The following CEP290 variants were observed in gnomAD, a reference collection of about 807,000 sequenced individuals.
CEP290 encodes the protein centrosomal protein of 290 kDa.
CEP290 carries 317 observed loss-of-function variants against 344.9 expected under a neutral mutation model. The ratio of observed to expected loss-of-function variants is 0.92; its 90% CI spans 0.84 to 1.01. The LOEUF is 1.01. CEP290 is among the 50% of genes least tolerant of loss of function. The probability of loss-of-function intolerance (pLI) is 0.00; values close to 1 mark genes in which losing one functional copy is unlikely to be tolerated. For missense variants in CEP290, 2,754 were observed against 2,761.4 expected (o/e 1.00, Z 0.06); for synonymous variants, 932 against 895.8 (o/e 1.04, Z -0.72).
intron 52 of CEP290, among the ~76,000 whole-genome samples, chr12:88,052,507 G>GA (rs998940897): frequency 3.9e-5 from 6 of 152,188 alleles, no homozygotes; most frequent in African/African-American, 1.4e-4. Context: ...TACTTGCCAA[G>GA]AAAATATATA....
At chr12:88,098,450 A>G (rs1379632683) in intron 26 of CEP290, among the ~76,000 whole-genome samples, 1 of 152,076 alleles carries the variant, frequency 6.6e-6, no homozygotes, top group African/African-American at 2.4e-5. Context: ...TCTCTACAAA[A>G]AAACACAAAA....
chr12:88,118,717 A>T lies in CEP290; in HGVS notation c.1549T>A (p.Leu517Ile). ...TGTTTGCTATTTCTAAATTCAGTTA[A>T]ATCAATCATTGTCTTTGGTTCAAGG... ...VGLEPKTMID[L>I]TEFRNSKHLK... is the part of the protein sequence containing the mutation. The change falls in exon 16 of 54, where the codon TTA (leucine) becomes ATA (isoleucine). Residue 517 changes from leucine (L) to isoleucine (I), a missense_variant. By Grantham distance (5) the Leu-to-Ile change is conservative. Transcript: ENST00000552810. The T allele has an allele frequency of 6.2e-7, 1 of 1,612,674 alleles. No homozygotes were observed.
intron 26 of CEP290, among the ~76,000 whole-genome samples, chr12:88,099,955 TC>T (rs1205950200): frequency 6.6e-6 from 1 of 150,562 alleles, no homozygotes; most frequent in Non-Finnish European, 1.5e-5. Context: ...TTTCTTTCCC[TC>T]CTCCTGAAAC....
At chr12:88,079,783 C>A (rs985955003) in intron 38 of CEP290, among the ~76,000 whole-genome samples, 3 of 152,034 alleles carry the variant, frequency 2.0e-5, no homozygotes, top group Non-Finnish European at 2.9e-5. Context: ...CTTTTTTCAT[C>A]CCTTTTTGTC....
chr12:88,089,797 G>T (rs2036885338), intron 30 of CEP290, among the ~76,000 whole-genome samples: 1 of 150,342 alleles, frequency 6.7e-6, no homozygotes, highest in African/African-American at 2.5e-5. Context: ...CGTGATTTTG[G>T]CTCACTGCAA....
intron 43 of CEP290, among the ~76,000 whole-genome samples, chr12:88,070,867 A>G (rs1206238079): frequency 6.6e-6 from 1 of 152,136 alleles, no homozygotes; most frequent in African/African-American, 2.4e-5. Flanking sequence ...GATCCTAATC[A>G]GAATACCAAA....
In CEP290 at chr12:88,060,932, T is replaced by C. The variant is rs2034432859; in HGVS notation, c.6420A>G (p.Val2140=). The C allele has an allele frequency of 6.4e-7, 1 of 1,559,288 alleles. No individual in the cohort carries two copies. Among genetic ancestry groups the C allele is most frequent in the East Asian group, 2.3e-5 (1 of 42,598 alleles). The change falls in exon 47 of 54, where the codon GTA becomes GTG. Residue 2140 remains valine, a synonymous_variant. Coordinates refer to ENST00000552810, the MANE Select transcript of CEP290 (RefSeq NM_025114.4). ...LEKTIGLMKK[V]VEKVQRENEQ... ...CATTTTCTCTCTGGACTTTTTCAAC[T>C]ACTTTTTTCATTAAACCAATGGTTT...
chr12:88,100,641 A>G (rs2037799618), intron 26 of CEP290, among the ~76,000 whole-genome samples: 1 of 152,200 alleles, frequency 6.6e-6, no homozygotes, highest in African/African-American at 2.4e-5. Context: ...ATATTCCATT[A>G]AGGAAGACAG....
intron 39 of CEP290, 140 bp from the exon 40 acceptor site, chr12:88,078,058 C>T (rs1346969343): frequency 2.7e-6 from 1 of 370,182 alleles, no homozygotes; most frequent in Non-Finnish European, 4.8e-6. Context: ...AAAATAACCA[C>T]AAACTACATA....
At position 88,138,925 on chromosome 12, in the gene CEP290, C is replaced by G. The variant is rs1265542155; in HGVS notation, c.297+220G>C. Among the ~76,000 whole-genome samples, 4 of 152,176 alleles carry G rather than the reference C, an allele frequency of 2.6e-5. No individual in the cohort carries two copies. In the East Asian group the frequency reaches 7.7e-4, roughly 29 times the overall value. ...GTATATTTCCCAAGACTATAAGCTC[C>G]ATCCAGCAGTTAACTTCTTATTTTG... On this transcript the variant is annotated intron_variant, in intron 5 of 53. Transcript: ENST00000552810.
At chr12:88,137,501 C>G (rs1422688731) in intron 5 of CEP290, among the ~76,000 whole-genome samples, 3 of 152,204 alleles carry the variant, frequency 2.0e-5, no homozygotes, top group Admixed American at 6.5e-5. Flanking sequence ...ATTTGGTCAT[C>G]TAATGTGTCT....
chr12:88,085,238 T>G (rs771151967), intron 34 of CEP290, among the ~76,000 whole-genome samples: 49 of 152,154 alleles, frequency 3.2e-4, no homozygotes, highest in Admixed American at 1.4e-3. Flanking sequence ...AATCTATAAG[T>G]CAGTTAAGTA....
intron 41 of CEP290, among the ~76,000 whole-genome samples, chr12:88,074,879 C>T (rs1292052657): frequency 6.6e-6 from 1 of 152,118 alleles, no homozygotes; most frequent in Admixed American, 6.6e-5. Context: ...AGGTCCACAC[C>T]CCTTCCCCCA....
In CEP290 at chr12:88,080,355, C is replaced by G; in HGVS notation, c.5053G>C (p.Ala1685Pro). The G allele has an allele frequency of 1.2e-6, 2 of 1,613,414 alleles. No homozygotes were observed. Among genetic ancestry groups the G allele is most frequent in the African/African-American group, 2.7e-5 (2 of 75,024 alleles). ...AGATACTTTAAATCCTCTACTTCCGCTTTTACTTTTTTCACTTCATCTTCA... is the reference window on the plus strand; with the variant it reads ...AGATACTTTAAATCCTCTACTTCCGGTTTTACTTTTTTCACTTCATCTTCA... Reference protein sequence around the residue: ...NHEDEVKKVKAEVEDLKYLLD... With the variant: ...NHEDEVKKVKPEVEDLKYLLD... The change falls in exon 38 of 54, where the codon GCG (alanine) becomes CCG (proline). Residue 1685 changes from alanine (A) to proline (P), a missense_variant. Transcript: ENST00000552810.
In CEP290 at chr12:88,059,026, A is replaced by G; in HGVS notation, c.6646-6T>C. 6.3e-7 allele frequency: 1 copy of G among 1,599,154 alleles called. No homozygotes were observed. The highest frequency in any genetic ancestry group is 8.5e-7 in the Non-Finnish European group (1 of 1,171,032). ...TTCTCTGCAGCATCAGTTTCCTATC[A>G]TTAAATGCTAATTAGTATTTTATGA... is the stretch of plus-strand genomic sequence containing the variant. On this transcript the variant is annotated splice_polypyrimidine_tract_variant and splice_region_variant and intron_variant, in intron 48 of 53. Transcript: ENST00000552810.
chr12:88,092,962 G>A (rs756646287), intron 28 of CEP290, 130 bp from the exon 29 acceptor site: 1 of 765,166 alleles, frequency 1.3e-6, no homozygotes, highest in South Asian at 1.9e-5. Context: ...AGTGTGAAGT[G>A]TTAAGAACAG....
At chr12:88,060,104 A>G (rs1341614334) in intron 47 of CEP290, 84 bp from the exon 48 acceptor site, 4 of 1,200,712 alleles carry the variant, frequency 3.3e-6, no homozygotes, top group East Asian at 2.6e-5. Context: ...ATAAATCTTC[A>G]AAGTAGTTTT....
chr12:88,103,481 G>A (rs1164422149), intron 25 of CEP290: 1 of 152,644 alleles, frequency 6.6e-6, no homozygotes, highest in African/African-American at 2.4e-5. Context: ...ACACATGATG[G>A]AAACATTAGC....
intron 12 of CEP290, 95 bp from the exon 13 acceptor site, chr12:88,125,464 T>C (rs2039674722): frequency 1.9e-6 from 1 of 528,940 alleles, no homozygotes; most frequent in East Asian, 3.9e-5. Context: ...AACAAGACTG[T>C]AGAACATATT....
Sources: gnomAD v4.1 joint callset for allele counts (sites outside exome capture counted in the v4.1 genomes callset) on GRCh38, gnomAD v4.1.1 for gene constraint, MANE v1.5 for transcripts, NCBI Gene and HGNC (gene_info 2026-07-23, HGNC 2026-07-21) for gene names.